The following VRK2 variants were observed in gnomAD, a reference collection of about 807,000 sequenced individuals.
VRK2 encodes the protein serine/threonine-protein kinase VRK2.
Under a neutral mutation model 57.6 loss-of-function variants are expected in VRK2, and 60 were observed. The observed-to-expected ratio is 1.04, with a 90% CI of 0.85 to 1.29. The LOEUF (loss-of-function observed/expected upper bound fraction) is 1.29, where lower values mean the gene tolerates loss of function less well. VRK2 is among the 50% of genes most tolerant of loss of function. The probability of loss-of-function intolerance (pLI) is 0.00; values close to 1 mark genes in which losing one functional copy is unlikely to be tolerated. For synonymous variants in VRK2, 231 were observed against 199.2 expected, an observed-to-expected ratio of 1.16 and a Z score of -1.35; for missense variants, 705 against 588.1, an observed-to-expected ratio of 1.20 and a Z score of -2.06.
chr2:58,156,074 T>G (rs1010445742), intron 12 of VRK2, among the ~76,000 whole-genome samples: 47 of 152,008 alleles, frequency 3.1e-4, no homozygotes, highest in Non-Finnish European at 4.1e-4. Flanking sequence ...TGATAGGTGC[T>G]TTTTGTCCAC....
At chr2:57,932,180 G>A (rs1453236377) in intron 1 of VRK2, among the ~76,000 whole-genome samples, 1 of 151,144 alleles carries the variant, frequency 6.6e-6, no homozygotes, top group Non-Finnish European at 1.5e-5. Flanking sequence ...TTTTGTCCTT[G>A]TCTGGCTTTG....
chr2:57,968,644 C>T (rs1161370195), intron 1 of VRK2, among the ~76,000 whole-genome samples: 4 of 151,982 alleles, frequency 2.6e-5, no homozygotes, highest in East Asian at 3.9e-4. Context: ...TATACCATTT[C>T]GTACTTTTTC....
chr2:58,022,645 G>A (rs888200816), intron 1 of VRK2, among the ~76,000 whole-genome samples: 103 of 152,232 alleles, frequency 6.8e-4, no homozygotes, highest in African/African-American at 2.4e-3. Context: ...GGAGGCCGAG[G>A]TGGGCAGATC....
intron 1 of VRK2, among the ~76,000 whole-genome samples, chr2:58,021,716 T>G (rs1673761722): frequency 6.6e-6 from 1 of 152,210 alleles, no homozygotes; most frequent in Non-Finnish European, 1.5e-5. Flanking sequence ...TCTTTATTTT[T>G]CTGTTATGCA....
chr2:58,059,235 A>C (rs922030141), intron 2 of VRK2, among the ~76,000 whole-genome samples: 1 of 152,196 alleles, frequency 6.6e-6, no homozygotes. Context: ...AAAATTGCGA[A>C]TAGTCATCCA....
chr2:58,122,233 C>T lies in VRK2; in HGVS notation c.544-868C>T, dbSNP rs927367875. ...ATTATGTTTCCTGTTAAAGGAGACT[C>T]ATAACATTAGGTTTACAGTTGACCT... is the stretch of plus-strand genomic sequence containing the variant. On this transcript the variant is annotated intron_variant, in intron 7 of 12. Transcript: ENST00000340157. Among the ~76,000 whole-genome samples, 15 of 152,222 alleles carry T rather than the reference C, an allele frequency of 9.9e-5. No individual in the cohort carries two copies. In the South Asian group the frequency reaches 1.2e-3, roughly 13 times the overall value.
At chr2:57,983,248 T>C (rs558712716) in intron 1 of VRK2, among the ~76,000 whole-genome samples, 12 of 152,296 alleles carry the variant, frequency 7.9e-5, no homozygotes, top group African/African-American at 2.2e-4. Context: ...TCTCTTTCCA[T>C]CTTTAAAGCC....
intron 2 of VRK2, among the ~76,000 whole-genome samples, chr2:58,055,455 AG>A (rs1270877169): frequency 6.6e-6 from 1 of 152,234 alleles, no homozygotes; most frequent in African/African-American, 2.4e-5. Flanking sequence ...TGGCTGTGTC[AG>A]GCAAAATCCT....
intron 1 of VRK2, among the ~76,000 whole-genome samples, chr2:57,918,495 A>C (rs912230898): frequency 2.0e-5 from 3 of 152,002 alleles, no homozygotes; most frequent in African/African-American, 7.2e-5. Flanking sequence ...TTTTCTTCAG[A>C]TGTATTGTCA....
intron 1 of VRK2, among the ~76,000 whole-genome samples, chr2:57,993,838 G>A (rs944719572): frequency 6.6e-6 from 1 of 152,198 alleles, no homozygotes; most frequent in African/African-American, 2.4e-5. Flanking sequence ...AGCAACATCA[G>A]GGTATGTCTC....
chr2:58,067,688 G>C (rs1295938681), intron 2 of VRK2, among the ~76,000 whole-genome samples: 2 of 151,904 alleles, frequency 1.3e-5, no homozygotes, highest in Non-Finnish European at 2.9e-5. Flanking sequence ...TATTGTGGTT[G>C]TCTTGTGTAT....
upstream of VRK2, chr2:58,046,712 G>A (rs1674792225): frequency 6.1e-6 from 6 of 985,440 alleles, no homozygotes; most frequent in Non-Finnish European, 6.0e-6. Flanking sequence ...CTGCGAGGCC[G>A]ACGCAGCTGG....
chr2:58,108,695 A>G (rs2104396338), intron 7 of VRK2, among the ~76,000 whole-genome samples: 1 of 152,294 alleles, frequency 6.6e-6, no homozygotes, highest in Admixed American at 6.5e-5. Flanking sequence ...TCTCCCTGTT[A>G]GAAATAGCCT....
intron 3 of VRK2, among the ~76,000 whole-genome samples, chr2:58,034,766 A>G (rs945058439): frequency 7.4e-5 from 11 of 148,040 alleles, no homozygotes; most frequent in Non-Finnish European, 1.2e-4. Context: ...CAGGTTCCAG[A>G]GGTTTTTTTT....
At chr2:58,141,433 CTT>C (rs749835836) in intron 11 of VRK2, among the ~76,000 whole-genome samples, 2 of 151,826 alleles carry the variant, frequency 1.3e-5, no homozygotes, top group Non-Finnish European at 2.9e-5. Flanking sequence ...ACATAAAACA[CTT>C]TTTCCAATGA....
At chr2:57,976,812 G>A (rs1672265371) in intron 1 of VRK2, among the ~76,000 whole-genome samples, 1 of 151,982 alleles carries the variant, frequency 6.6e-6, no homozygotes, top group Non-Finnish European at 1.5e-5. Context: ...TGTCCACAAT[G>A]GTATGTGCTA....
At chr2:57,968,940 C>T (rs1199115564) in intron 1 of VRK2, among the ~76,000 whole-genome samples, 1 of 152,126 alleles carries the variant, frequency 6.6e-6, no homozygotes, top group South Asian at 2.1e-4. Context: ...TTATATTAAT[C>T]TCTCTTTAAA....
chr2:58,012,115 C>G (rs993979550), intron 1 of VRK2, among the ~76,000 whole-genome samples: 1 of 152,118 alleles, frequency 6.6e-6, no homozygotes, highest in Non-Finnish European at 1.5e-5. Flanking sequence ...TACAGTTTTT[C>G]AGGAGCAAAA....
intron 1 of VRK2, among the ~76,000 whole-genome samples, chr2:58,006,384 T>A (rs558316861): frequency 6.6e-6 from 1 of 152,274 alleles, no homozygotes; most frequent in South Asian, 2.1e-4. Context: ...TTGGTTTGAC[T>A]TAGTGGAAAG....
Sources: gnomAD v4.1 joint callset for allele counts (sites outside exome capture counted in the v4.1 genomes callset) on GRCh38, gnomAD v4.1.1 for gene constraint, MANE v1.5 for transcripts, NCBI Gene and HGNC (gene_info 2026-07-23, HGNC 2026-07-21) for gene names.